The following GLIS3 variants were observed in gnomAD, a reference collection of about 807,000 sequenced individuals.
The protein encoded by GLIS3 is zinc finger protein GLIS3.
GLIS3 carries 53 observed loss-of-function variants against 78.6 expected under a neutral mutation model. The observed-to-expected ratio is 0.67, with a 90% CI of 0.54 to 0.85. GLIS3 has a LOEUF of 0.85. GLIS3 is among the 40% of genes least tolerant of loss of function. The pLI is 0.00. For missense variants in GLIS3, 1,703 were observed against 1,231.1 expected (o/e 1.38, Z -5.74); for synonymous variants, 684 against 509.9 (o/e 1.34, Z -4.60).
intron 2 of GLIS3, among the ~76,000 whole-genome samples, chr9:4,202,220 G>T (rs1260346195): frequency 7.4e-6 from 1 of 135,610 alleles, no homozygotes; most frequent in Non-Finnish European, 1.5e-5. Context: ...GCACAATCTC[G>T]GCTCACTGCA....
chr9:3,951,998 G>C (rs77941604), intron 4 of GLIS3, among the ~76,000 whole-genome samples: 2,668 of 152,018 alleles, frequency 0.018, 90 homozygotes, highest in African/African-American at 0.061. Context: ...TTTTAGACAA[G>C]CGTGGTGAGA....
intron 3 of GLIS3, 139 bp downstream of exon 3, chr9:4,125,595 C>T (rs778729796): frequency 1.3e-6 from 1 of 741,628 alleles, no homozygotes; most frequent in African/African-American, 1.7e-5. Flanking sequence ...CCCTACAAAC[C>T]TCAAATTGAG....
intron 4 of GLIS3, among the ~76,000 whole-genome samples, chr9:4,048,192 T>C (rs1409769326): frequency 1.3e-5 from 2 of 152,182 alleles, no homozygotes; most frequent in Non-Finnish European, 2.9e-5. Flanking sequence ...AAAATTTTAT[T>C]ATGTAGGGCT....
rs537188893 is a variant in GLIS3, at chr9:4,216,392, G to C, written c.388+69646C>G. 3.6e-5 allele frequency among the ~76,000 whole-genome samples: 5 copies of C among 139,352 alleles called. No homozygotes were observed. The East Asian group carries it at 9.7e-4, about 27-fold the overall frequency. 91.4% of individuals were successfully genotyped at this position (139,352 alleles called of 152,430 possible). On this transcript the variant is annotated intron_variant, in intron 2 of 10. Transcript: ENST00000381971. ...AGAGGTTGAGGCAGGAGAATGGCGT[G>C]AGCTTGCAGTGAGAAAGGCGGAGCT...
rs41279545 is a variant in GLIS3 at position 4,152,101 on chromosome 9, C to T, written c.389-26160G>A. Reference sequence around the variant, plus strand: ...AAACAAGTAACACAATATTTTTCTACGGCCATTCAAACCTCTATTAGTTGC... The same window carrying T: ...AAACAAGTAACACAATATTTTTCTATGGCCATTCAAACCTCTATTAGTTGC... On this transcript the variant is annotated intron_variant, in intron 2 of 10. Transcript: ENST00000381971. 85 of 975,792 alleles carry T rather than the reference C, an allele frequency of 8.7e-5. 1 individual carries two copies. In the Middle Eastern group the frequency reaches 1.6e-3, roughly 18 times the overall value. 60.4% of individuals were successfully genotyped at this position (975,792 alleles called of 1,614,324 possible).
At chr9:3,917,830 C>T (rs948880784) in intron 6 of GLIS3, among the ~76,000 whole-genome samples, 11 of 152,104 alleles carry the variant, frequency 7.2e-5, no homozygotes, top group Admixed American at 2.6e-4. Context: ...GTAATTGAAC[C>T]CACATTGACA....
At chr9:4,038,868 C>G (rs1014668906) in intron 4 of GLIS3, among the ~76,000 whole-genome samples, 1 of 152,152 alleles carries the variant, frequency 6.6e-6, no homozygotes, top group South Asian at 2.1e-4. Flanking sequence ...ATGAAGATGA[C>G]AGACTGGGCT....
In GLIS3 at chr9:4,022,537, A is replaced by G. The variant is rs142887420; in HGVS notation, c.1711-85348T>C. 9.2e-5 allele frequency among the ~76,000 whole-genome samples: 14 copies of G among 152,330 alleles called. No individual in the cohort carries two copies. The East Asian group carries it at 2.5e-3, about 27-fold the overall frequency. The stretch of plus-strand genomic sequence containing the variant: ...GTCCTGATTCCCTAAAAAGTTAAAC[A>G]TAAGCCTACCCTATGACCCAGCCAT... On this transcript the variant is annotated intron_variant, in intron 4 of 10. Coordinates refer to ENST00000381971, the MANE Select transcript of GLIS3 (RefSeq NM_001042413.2).
At chr9:4,055,384 C>G (rs1319873820) in intron 4 of GLIS3, among the ~76,000 whole-genome samples, 1 of 152,182 alleles carries the variant, frequency 6.6e-6, no homozygotes, top group Non-Finnish European at 1.5e-5. Flanking sequence ...CTATGTCCCT[C>G]AGTATCACTG....
At chr9:3,856,354 C>A (rs1414038218) in intron 8 of GLIS3, among the ~76,000 whole-genome samples, 170 bp from the exon 9 acceptor site, 1 of 152,188 alleles carries the variant, frequency 6.6e-6, no homozygotes, top group Non-Finnish European at 1.5e-5. Flanking sequence ...TCCCTCCCCA[C>A]TGCCATTTAA....
chr9:4,419,440 G>A, the GLIS3 span, among the ~76,000 whole-genome samples: 18 of 152,100 alleles, frequency 1.2e-4, no homozygotes, highest in African/African-American at 4.1e-4. Context: ...CCACGAAGGC[G>A]GAAGGCAAAG....
chr9:4,412,563 G>A, the GLIS3 span, among the ~76,000 whole-genome samples: 1 of 152,186 alleles, frequency 6.6e-6, no homozygotes, highest in Admixed American at 6.5e-5. Context: ...CTTATTCACT[G>A]GTATATCCCC....
At chr9:3,976,795 CAAAAAAAAAAAAAAAAAAAAAAAAAAAA>C (rs540496174) in intron 4 of GLIS3, among the ~76,000 whole-genome samples, 42 of 26,182 alleles carry the variant, frequency 1.6e-3, no homozygotes, top group East Asian at 0.011. Flanking sequence ...CCTCCCCCTG[CAAAAAAAAAAAAAAAAAAAAAAAAAAAA>C]AAAAAAAAAA....
At chr9:3,859,004 G>C (rs1342283853) in intron 8 of GLIS3, among the ~76,000 whole-genome samples, 1 of 152,164 alleles carries the variant, frequency 6.6e-6, no homozygotes, top group Non-Finnish European at 1.5e-5. Context: ...GCTCATAGTA[G>C]AGTAGAAATA....
chr9:3,964,935 G>A (rs924726928), intron 4 of GLIS3, among the ~76,000 whole-genome samples: 4 of 152,102 alleles, frequency 2.6e-5, no homozygotes, highest in African/African-American at 7.2e-5. Flanking sequence ...GGGTATTGTT[G>A]CCTGTTTGAA....
chr9:4,195,984 G>A (rs1818802046), intron 2 of GLIS3, among the ~76,000 whole-genome samples: 1 of 152,190 alleles, frequency 6.6e-6, no homozygotes, highest in South Asian at 2.1e-4. Flanking sequence ...GTCAAGGTTT[G>A]TAAATGCACC....
chr9:4,189,621 G>A (rs1168682270), intron 2 of GLIS3, among the ~76,000 whole-genome samples: 2 of 152,068 alleles, frequency 1.3e-5, no homozygotes, highest in Admixed American at 6.6e-5. Flanking sequence ...ATTATTGTGT[G>A]GGAGTCTAAG....
chr9:4,200,808 G>T (rs1018805387), intron 2 of GLIS3, among the ~76,000 whole-genome samples: 3 of 152,070 alleles, frequency 2.0e-5, no homozygotes, highest in African/African-American at 7.2e-5. Flanking sequence ...AAACATCAAA[G>T]TGGAACGACT....
intron 2 of GLIS3, among the ~76,000 whole-genome samples, chr9:4,269,461 A>G (rs1438220901): frequency 6.6e-6 from 1 of 152,234 alleles, no homozygotes; most frequent in East Asian, 1.9e-4. Context: ...TAAAAATATT[A>G]CGAAGTATTG....
Sources: gnomAD v4.1 joint callset for allele counts (sites outside exome capture counted in the v4.1 genomes callset) on GRCh38, gnomAD v4.1.1 for gene constraint, MANE v1.5 for transcripts, NCBI Gene and HGNC (gene_info 2026-07-23, HGNC 2026-07-21) for gene names.